Variants in STON2 observed in about 807,000 individuals in gnomAD.
The protein encoded by STON2 is stonin 2, also known as stonin-2.
Under a neutral mutation model 65.7 loss-of-function variants are expected in STON2, and 29 were observed. The observed-to-expected ratio is 0.44, with a 90% CI of 0.33 to 0.60. The LOEUF (loss-of-function observed/expected upper bound fraction) is 0.60. Among genes scored for constraint, STON2 ranks in the 20% least tolerant of loss-of-function variants. STON2 has a pLI of 0.03. For synonymous variants in STON2, 404 were observed against 414.2 expected, an observed-to-expected ratio of 0.98 and a Z score of 0.30; for missense variants, 1,054 against 1,118.1, an observed-to-expected ratio of 0.94 and a Z score of 0.82.
intron 3 of STON2, among the ~76,000 whole-genome samples, chr14:81,389,930 A>T (rs1899997395): frequency 6.6e-6 from 1 of 152,166 alleles, no homozygotes; most frequent in Admixed American, 6.5e-5. Context: ...TGAAAAACGT[A>T]GGCCAGGCAT....
rs1182319853 is a variant in STON2 at position 81,267,955 on chromosome 14, A to C, written c.*459T>G. 1.0e-6 allele frequency: 1 copy of C among 986,144 alleles called. No homozygotes were observed. The highest frequency in any genetic ancestry group is 1.1e-4 in the East Asian group (1 of 8,852). 61.1% of individuals were successfully genotyped at this position (986,144 alleles called of 1,614,324 possible). A position where few individuals can be genotyped will look rare whatever the true frequency, so the allele number is the denominator to read the frequency against. ...CACCTTTTCTGAACCTTTTCTAGAC[A>C]GAGTGAAAGAGATGGATTCTTAATT... On this transcript the variant is annotated 3_prime_UTR_variant, in exon 8 of 8. Transcript: ENST00000614646.
At chr14:81,424,308 G>A (rs1901858483) in intron 2 of STON2, among the ~76,000 whole-genome samples, 1 of 152,122 alleles carries the variant, frequency 6.6e-6, no homozygotes, top group Non-Finnish European at 1.5e-5. Context: ...GCTGGGAGTG[G>A]TGGCGCACAC....
chr14:81,359,317 A>C (rs1390731966), intron 4 of STON2, among the ~76,000 whole-genome samples: 1 of 152,226 alleles, frequency 6.6e-6, no homozygotes, highest in Non-Finnish European at 1.5e-5. Context: ...AAAAGGATTT[A>C]AACATATCTT....
chr14:81,349,186 T>C (rs1273839723), intron 4 of STON2, among the ~76,000 whole-genome samples: 3 of 152,048 alleles, frequency 2.0e-5, no homozygotes, highest in African/African-American at 7.2e-5. Flanking sequence ...TAGGCAAAGA[T>C]TTTATGGCTA....
At chr14:81,281,997 A>C (rs1260474052) in intron 5 of STON2, among the ~76,000 whole-genome samples, 1 of 152,216 alleles carries the variant, frequency 6.6e-6, no homozygotes, top group African/African-American at 2.4e-5. Flanking sequence ...GGCATAGGTA[A>C]AATTTCTGAA....
In STON2 at chr14:81,398,337, C is replaced by T. The variant is rs920054262; in HGVS notation, c.46G>A (p.Val16Ile). The T allele has an allele frequency of 6.2e-7, 1 of 1,614,044 alleles. No homozygotes were observed. The highest frequency in any genetic ancestry group is 1.7e-5 in the Admixed American group (1 of 60,008). The change falls in exon 2 of 8, where the codon GTC (valine) becomes ATC (isoleucine). Residue 16 changes from valine to isoleucine, a missense_variant. Physicochemically the swap from Val to Ile is conservative, Grantham distance 29. Coordinates refer to ENST00000614646, the MANE Select transcript of STON2 (RefSeq NM_001394390.1). ...AAGGGTGGCTCTTCATTGAAGGAGA[C>T]CCATTCTGACTGGTGGGTGGCAATC... ...HVIATHQSEW[V>I]SFNEEPPFPA...
rs1388546624 is a variant in STON2, at chr14:81,365,150, C to T, written c.571+5838G>A. On this transcript the variant is annotated intron_variant, in intron 4 of 7. Coordinates refer to ENST00000614646, the MANE Select transcript of STON2 (RefSeq NM_001394390.1). ...TGCTATACAAACTGCATGCTTTTTG[C>T]AAGTGGTTGCTGTTGTCCTGTCCAG... Among the ~76,000 whole-genome samples, 7 of 152,210 alleles carry T rather than the reference C, an allele frequency of 4.6e-5. No individual in the cohort carries two copies. The South Asian group carries it at 1.4e-3, about 32-fold the overall frequency.
At chr14:81,394,329 T>G (rs1900215784) in intron 3 of STON2, among the ~76,000 whole-genome samples, 2 of 152,190 alleles carry the variant, frequency 1.3e-5, no homozygotes, top group African/African-American at 4.8e-5. Flanking sequence ...GAAAACACAC[T>G]GAAAAACAAA....
At chr14:81,410,278 C>CAAAAAAAAAAAAAAAAAAAA (rs1161157573) in intron 2 of STON2, among the ~76,000 whole-genome samples, 4 of 45,798 alleles carry the variant, frequency 8.7e-5, no homozygotes, top group Non-Finnish European at 1.5e-4. Context: ...TAACTCTAAC[C>CAAAAAAAAAAAAAAAAAAAA]AAAAAAAAAA....
chr14:81,406,683 G>A (rs780408495), intron 2 of STON2, among the ~76,000 whole-genome samples: 4 of 152,062 alleles, frequency 2.6e-5, no homozygotes, highest in Non-Finnish European at 5.9e-5. Flanking sequence ...AGACGTTAAC[G>A]AGCTCTTTCC....
chr14:81,277,771 G>A lies in STON2; in HGVS notation c.1711C>T (p.Pro571Ser), dbSNP rs1489472683. The change falls in exon 6 of 8, where the codon CCC becomes TCC. Residue 571 changes from proline to serine, a missense_variant. Physicochemically the swap from Pro to Ser is moderately conservative, Grantham distance 74. Coordinates refer to ENST00000614646, the MANE Select transcript of STON2 (RefSeq NM_001394390.1). ...GCTGTGTGGGCCACAGCAGGTTTGG[G>A]CTGGTATTTCTTCTTCTCTTTATAG... ...VTYKEKKKYQ[P>S]KPAVAHTAER... The A allele has an allele frequency of 6.2e-7, 1 of 1,614,030 alleles. No individual in the cohort carries two copies. The highest frequency in any genetic ancestry group is 8.5e-7 in the Non-Finnish European group (1 of 1,180,032).
chr14:81,433,961 C>G (rs1359656408), intron 1 of STON2, among the ~76,000 whole-genome samples: 1 of 152,130 alleles, frequency 6.6e-6, no homozygotes, highest in Non-Finnish European at 1.5e-5. Context: ...ACCTTGTTTC[C>G]AATCCCACCT....
At chr14:81,340,259 G>A (rs1489239096) in intron 4 of STON2, among the ~76,000 whole-genome samples, 4 of 152,188 alleles carry the variant, frequency 2.6e-5, no homozygotes, top group Non-Finnish European at 4.4e-5. Flanking sequence ...CTAATTTCTA[G>A]CGACAGAAAG....
At chr14:81,286,827 G>C (rs1311461594) in intron 5 of STON2, among the ~76,000 whole-genome samples, 1 of 152,216 alleles carries the variant, frequency 6.6e-6, no homozygotes, top group Non-Finnish European at 1.5e-5. Flanking sequence ...TCATTTTACA[G>C]AGAAGCCTGA....
At chr14:81,308,781 C>CACAT (rs1317324049) in intron 5 of STON2, among the ~76,000 whole-genome samples, 41 of 9,076 alleles carry the variant, frequency 4.5e-3, no homozygotes, top group African/African-American at 6.9e-3. Context: ...TGGTTTTACC[C>CACAT]ATATATATAT....
At chr14:81,283,924 C>T (rs1034971388) in intron 5 of STON2, among the ~76,000 whole-genome samples, 1 of 152,190 alleles carries the variant, frequency 6.6e-6, no homozygotes, top group Non-Finnish European at 1.5e-5. Flanking sequence ...CTCTGGGTCA[C>T]GTTTTGGTAA....
At chr14:81,308,820 ATATATG>A (rs1343700839) in intron 5 of STON2, among the ~76,000 whole-genome samples, 92 of 8,934 alleles carry the variant, frequency 0.01, no homozygotes, top group African/African-American at 0.019. Context: ...ATATATATAT[ATATATG>A]TGTGTGTGTG....
intron 2 of STON2, among the ~76,000 whole-genome samples, chr14:81,415,456 C>T (rs1225720981): frequency 3.3e-5 from 5 of 151,880 alleles, no homozygotes; most frequent in Non-Finnish European, 7.4e-5. Flanking sequence ...AAATTAAGAG[C>T]CCCCAATGTG....
intron 4 of STON2, among the ~76,000 whole-genome samples, chr14:81,360,364 G>C (rs538066467): frequency 1.3e-5 from 2 of 152,168 alleles, no homozygotes; most frequent in Non-Finnish European, 2.9e-5. Flanking sequence ...GGGATGCAAA[G>C]ATGTTTCAAT....
Sources: allele counts gnomAD v4.1 joint callset (sites outside exome capture counted in the v4.1 genomes callset), GRCh38; gene constraint gnomAD v4.1.1; transcripts MANE v1.5; gene names NCBI Gene and HGNC (gene_info 2026-07-23, HGNC 2026-07-21).